The following FMN1 variants were observed in gnomAD, a reference collection of about 807,000 sequenced individuals.
FMN1 encodes formin-1.
Under a neutral mutation model 132.4 loss-of-function variants are expected in FMN1, and 110 were observed. The observed-to-expected ratio is 0.83, with a 90% CI of 0.71 to 0.97. The LOEUF (loss-of-function observed/expected upper bound fraction) is 0.97. Ranked by LOEUF, FMN1 falls within the 50% of genes least tolerant of loss-of-function variation. The pLI is 0.00. For missense variants in FMN1, 1,792 were observed against 1,705.3 expected, an observed-to-expected ratio of 1.05 and a Z score of -0.90; for synonymous variants, 722 against 651.7, an observed-to-expected ratio of 1.11 and a Z score of -1.64.
At chr15:32,777,005 T>A in intron 19 of FMN1, 86 bp from the exon 20 acceptor site, 2 of 756,648 alleles carry the variant, frequency 2.6e-6, no homozygotes, top group Non-Finnish European at 2.2e-6. Context: ...TAAGGCAGGT[T>A]AAACATAAAC....
intron 2 of FMN1, among the ~76,000 whole-genome samples, chr15:33,193,391 A>G (rs1213614465): frequency 1.3e-5 from 2 of 152,134 alleles, no homozygotes; most frequent in African/African-American, 4.8e-5. Flanking sequence ...TAGAGAACAG[A>G]ATATAATTCT....
intron 9 of FMN1, among the ~76,000 whole-genome samples, chr15:32,938,672 T>C (rs2061334285): frequency 6.6e-6 from 1 of 152,196 alleles, no homozygotes; most frequent in African/African-American, 2.4e-5. Context: ...ATTTGATAAA[T>C]ATTTCAGAAT....
intron 16 of FMN1, among the ~76,000 whole-genome samples, chr15:32,887,643 A>G (rs1178183445): frequency 6.6e-6 from 1 of 152,230 alleles, no homozygotes; most frequent in Non-Finnish European, 1.5e-5. Context: ...ATACATATAT[A>G]TTTAAAGCAG....
intron 4 of FMN1, chr15:33,105,658 A>C (rs2039457299): frequency 6.6e-6 from 1 of 152,178 alleles, no homozygotes; most frequent in East Asian, 1.9e-4. Flanking sequence ...TACTGTTTGG[A>C]TATCTAAAGA....
chr15:33,175,877 C>CAATGCCTCAAAATTCCAT, intron 3 of FMN1, among the ~76,000 whole-genome samples: 1 of 152,292 alleles, frequency 6.6e-6, no homozygotes, highest in African/African-American at 2.4e-5. Context: ...ACTGAGGCTA[C>CAATGCCTCAAAATTCCAT]AATGCCTCAA....
At chr15:33,142,779 G>A (rs1171120494) in intron 4 of FMN1, among the ~76,000 whole-genome samples, 1 of 152,216 alleles carries the variant, frequency 6.6e-6, no homozygotes, top group Non-Finnish European at 1.5e-5. Context: ...CACCCAGCTG[G>A]TGAGCCTTGC....
At chr15:33,129,432 T>C (rs903470126) in intron 4 of FMN1, among the ~76,000 whole-genome samples, 2 of 152,244 alleles carry the variant, frequency 1.3e-5, no homozygotes, top group African/African-American at 4.8e-5. Context: ...CTGGGTATCT[T>C]TGAGAGCTTT....
At chr15:32,867,469 C>G (rs1340174599) in intron 16 of FMN1, among the ~76,000 whole-genome samples, 1 of 152,010 alleles carries the variant, frequency 6.6e-6, no homozygotes, top group Non-Finnish European at 1.5e-5. Flanking sequence ...CTAGTCAGTG[C>G]TTAGTCATCA....
At position 32,920,665 on chromosome 15, in the gene FMN1, T is replaced by G. The variant is rs72719322; in HGVS notation, c.3226+5509A>C. ...AAATCATCCAAAACAGAATTTACCT[T>G]TATGCTTCAAGCCCTGCGTCTGCAC... On this transcript the variant is annotated intron_variant, in intron 10 of 20. Transcript: ENST00000616417. Among the ~76,000 whole-genome samples the G allele has an allele frequency of 6.8e-3, 1,043 of 152,310 alleles. 7 individuals are homozygous for G. The highest frequency in any genetic ancestry group is 0.014 in the Middle Eastern group (4 of 294).
rs558038704 is a variant in FMN1, at chr15:33,157,005, C to T, written c.-131-1960G>A. The stretch of plus-strand genomic sequence containing the variant: ...AGAATTGGCTGGGTATGGTGGCTCA[C>T]GCCTGTAATCCCAGCACTTTGGGAG... On this transcript the variant is annotated intron_variant, in intron 3 of 20. Transcript: ENST00000616417. Among the ~76,000 whole-genome samples the T allele has an allele frequency of 1.3e-4, 20 of 152,176 alleles. No homozygotes were observed. The East Asian group carries it at 3.5e-3, about 26-fold the overall frequency.
At chr15:33,088,708 C>T in intron 5 of FMN1, 91 bp downstream of exon 5, 1 of 1,145,360 alleles carries the variant, frequency 8.7e-7, no homozygotes, top group Non-Finnish European at 1.2e-6. Context: ...TTAAATGCAG[C>T]TTTATATACA....
At chr15:32,854,173 AT>A (rs1404544712) in intron 17 of FMN1, among the ~76,000 whole-genome samples, 2 of 152,214 alleles carry the variant, frequency 1.3e-5, no homozygotes, top group African/African-American at 4.8e-5. Flanking sequence ...AGTAAAAAAA[AT>A]CAGCAATAAA....
chr15:33,052,769 G>T (rs2037037066), intron 6 of FMN1, among the ~76,000 whole-genome samples: 1 of 152,162 alleles, frequency 6.6e-6, no homozygotes, highest in African/African-American at 2.4e-5. Context: ...CTTCCCATTT[G>T]ATGCGTTTTC....
intron 7 of FMN1, 64 bp downstream of exon 7, chr15:33,007,950 C>T (rs1352736306): frequency 3.7e-6 from 5 of 1,368,804 alleles, no homozygotes. Flanking sequence ...ATATTTACTT[C>T]AGCATAGGAG....
At chr15:32,913,821 T>C (rs555820752) in intron 10 of FMN1, among the ~76,000 whole-genome samples, 2 of 152,312 alleles carry the variant, frequency 1.3e-5, no homozygotes, top group East Asian at 3.9e-4. Context: ...GTAGCATGTA[T>C]AACATAGATG....
In FMN1 at chr15:32,926,361, T is replaced by C. The variant is rs537455736; in HGVS notation, c.3139-100A>G. On this transcript the variant is annotated intron_variant, in intron 9 of 20. Transcript: ENST00000616417. The stretch of plus-strand genomic sequence containing the variant: ...ATTAAATTTTTTTAGATACACTGAT[T>C]GATGAACTAAATTGATGCTGCATGC... 1.4e-3 allele frequency: 868 copies of C among 631,226 alleles called. 14 individuals carry two copies. The highest frequency in any genetic ancestry group is 2.8e-4 in the Non-Finnish European group (102 of 364,836). 39.1% of individuals were successfully genotyped at this position (631,226 alleles called of 1,614,324 possible). A position where few individuals can be genotyped will look rare whatever the true frequency, so the allele number is the denominator to read the frequency against.
At chr15:32,925,270 T>C (rs927045752) in intron 10 of FMN1, among the ~76,000 whole-genome samples, 1 of 152,192 alleles carries the variant, frequency 6.6e-6, no homozygotes, top group Non-Finnish European at 1.5e-5. Context: ...AAAACTTCTA[T>C]TGAAATAATA....
chr15:33,080,874 C>T (rs1287485509), intron 5 of FMN1, among the ~76,000 whole-genome samples: 3 of 144,784 alleles, frequency 2.1e-5, no homozygotes, highest in Admixed American at 2.1e-4. Context: ...GCAACAAAAG[C>T]AAAACTCCGT....
chr15:32,965,095 C>G (rs2031071179), intron 8 of FMN1, among the ~76,000 whole-genome samples: 1 of 152,150 alleles, frequency 6.6e-6, no homozygotes. Context: ...ATCTTAATTT[C>G]AAACACTATT....
Sources: allele counts gnomAD v4.1 joint callset (sites outside exome capture counted in the v4.1 genomes callset), GRCh38; gene constraint gnomAD v4.1.1; transcripts MANE v1.5; gene names NCBI Gene and HGNC (gene_info 2026-07-23, HGNC 2026-07-21).